Variants in PSG3 observed in about 807,000 individuals in gnomAD.
The protein encoded by PSG3 is pregnancy-specific beta-1-glycoprotein 3.
In PSG3, 61 loss-of-function variants were observed where a neutral mutation model predicts 47.5. The ratio of observed to expected loss-of-function variants is 1.28; its 90% CI spans 1.05 to 1.59. PSG3 has a LOEUF of 1.59. Among genes scored for constraint, PSG3 ranks in the 40% most tolerant of loss-of-function variants. The pLI, the probability that PSG3 is intolerant of heterozygous loss-of-function variation, is 0.00. For synonymous variants in PSG3, 263 were observed against 198.4 expected (o/e 1.33, Z -2.74); for missense variants, 756 against 524.0 (o/e 1.44, Z -4.32).
At chr19:42,728,962 A>G in intron 5 of PSG3, 161 bp downstream of exon 5, 3 of 1,546,046 alleles carry the variant, frequency 1.9e-6, no homozygotes, top group Non-Finnish European at 2.6e-6. Context: ...AGGAGAAGAG[A>G]GTCTGTAGAG....
chr19:42,728,761 A>G (rs900010662), intron 5 of PSG3, among the ~76,000 whole-genome samples: 3 of 152,240 alleles, frequency 2.0e-5, no homozygotes, highest in African/African-American at 7.2e-5. Context: ...CTCATAGAAT[A>G]GGTACAAGAA....
rs752869616 is a variant in PSG3, at chr19:42,729,857, A to G, written c.909T>C (p.Asn303=). The change falls in exon 4 of 7, where the codon AAT becomes AAC. Residue 303 remains asparagine (N), a synonymous_variant. Transcript: ENST00000327495. ...TTTCACATTGATAGGGTCCTGTTTCATTTCTCGTGACACTGGGTAGAATGA... is the reference window on the plus strand; with the variant it reads ...TTTCACATTGATAGGGTCCTGTTTCGTTTCTCGTGACACTGGGTAGAATGA... ...RILILPSVTR[N]ETGPYQCEIQ... 1.3e-5 allele frequency: 21 copies of G among 1,612,916 alleles called. No homozygotes were observed. The African/African-American group carries it at 2.0e-4, about 15-fold the overall frequency.
At chr19:42,730,945 T>C (rs1969463338) in intron 3 of PSG3, among the ~76,000 whole-genome samples, 1 of 152,224 alleles carries the variant, frequency 6.6e-6, no homozygotes, top group African/African-American at 2.4e-5. Flanking sequence ...CCATATGTGT[T>C]TGATGGATAT....
At chr19:42,739,877 C>G (rs1284033737) in intron 1 of PSG3, among the ~76,000 whole-genome samples, 1 of 152,176 alleles carries the variant, frequency 6.6e-6, no homozygotes, top group Non-Finnish European at 1.5e-5. Flanking sequence ...CCTGTTTTGA[C>G]CCCTGTCCCT....
At chr19:42,736,362 C>A (rs544876537) in intron 2 of PSG3, among the ~76,000 whole-genome samples, 1 of 152,266 alleles carries the variant, frequency 6.6e-6, no homozygotes, top group East Asian at 1.9e-4. Context: ...AATGGCTCAG[C>A]CCGTCATGTG....
At position 42,730,230 on chromosome 19, in the gene PSG3, G is replaced by A. The variant is rs554748116; in HGVS notation, c.710-174C>T. On this transcript the variant is annotated intron_variant, in intron 3 of 6. Coordinates refer to ENST00000327495, the MANE Select transcript of PSG3 (RefSeq NM_021016.4). The stretch of plus-strand genomic sequence containing the variant: ...ATGATGATCTAAGGGCTCAAAGACT[G>A]TGAGGCCAGCTGCTCTGTCTTAGGG... 3.5e-3 allele frequency among the ~76,000 whole-genome samples: 534 copies of A among 152,318 alleles called. 2 individuals carry two copies. Among genetic ancestry groups the A allele is most frequent in the Middle Eastern group, 0.02 (6 of 294 alleles).
chr19:42,740,479 TCTGCG>T (rs1180140100), exon 1 of PSG3: 1 of 1,607,484 alleles, frequency 6.2e-7, no homozygotes, highest in Non-Finnish European at 8.5e-7. Flanking sequence ...CCTTCCTCCT[TCTGCG>T]CTGAGCCTCT....
Position 42,734,369 on chromosome 19 carries a change from A to T in PSG3, c.431-1307T>A, listed in dbSNP as rs574260759. Among the ~76,000 whole-genome samples, 8 of 152,324 alleles carry T rather than the reference A, an allele frequency of 5.3e-5. No homozygotes were observed. In the South Asian group the frequency reaches 1.7e-3, roughly 32 times the overall value. ...AGTGAGCACTTCTTTTTAGCATCAC[A>T]TCAGTGGTCAGAAGGGTTGAGTTTT... On this transcript the variant is annotated intron_variant, in intron 2 of 6. Transcript: ENST00000327495.
At chr19:42,722,828 C>T (rs571770129) in intron 6 of PSG3, among the ~76,000 whole-genome samples, 148 of 152,094 alleles carry the variant, frequency 9.7e-4, no homozygotes, top group Non-Finnish European at 1.8e-3. Flanking sequence ...TTAAGTTCTA[C>T]CTATTACAAC....
intron 2 of PSG3, chr19:42,733,531 C>T (rs578112054): frequency 1.2e-5 from 2 of 173,256 alleles, no homozygotes; most frequent in African/African-American, 4.7e-5. Context: ...GTCTTTAAAC[C>T]CTTTGGATAC....
chr19:42,739,378 A>C, intron 1 of PSG3: 1 of 414,856 alleles, frequency 2.4e-6, no homozygotes, highest in Non-Finnish European at 4.3e-6. Flanking sequence ...CCCCCTCCAC[A>C]CTGCCCTCAG....
intron 2 of PSG3, among the ~76,000 whole-genome samples, chr19:42,738,038 T>C (rs550130816): frequency 2.0e-4 from 31 of 152,350 alleles, no homozygotes; most frequent in African/African-American, 7.2e-4. Flanking sequence ...CTGTTTCTGC[T>C]TCTGGGGACA....
intron 3 of PSG3, chr19:42,732,440 G>T (rs2353149): frequency 1.1e-5 from 5 of 465,570 alleles, no homozygotes; most frequent in South Asian, 5.2e-5. Context: ...GGAAAATCCT[G>T]GTCTGTGGAA....
intron 2 of PSG3, chr19:42,733,706 G>A (rs1215025436): frequency 6.4e-6 from 1 of 155,652 alleles, no homozygotes; most frequent in Non-Finnish European, 1.4e-5. Flanking sequence ...TCTAAAGATA[G>A]AGCAGAGTCC....
At position 42,732,897 on chromosome 19, in the gene PSG3, T is replaced by A; in HGVS notation, c.596A>T (p.Lys199Ile). The change falls in exon 3 of 7, where the codon AAA (lysine) becomes ATA (isoleucine). Residue 199 changes from lysine (K) to isoleucine (I), a missense_variant. Transcript: ENST00000327495. The part of the protein sequence containing the change: ...MTHSLQLSKN[K>I]RTLFLFGVTK... ...GACACCAAATAGAAAGAGGGTCCTT[T>A]TGTTTTTGGACAACTGCAAGCTGTG... 6.2e-7 allele frequency: 1 copy of A among 1,614,120 alleles called. No homozygotes were observed. The highest frequency in any genetic ancestry group is 1.1e-5 in the South Asian group (1 of 91,070).
intron 3 of PSG3, among the ~76,000 whole-genome samples, chr19:42,730,496 G>C (rs774978973): frequency 2.3e-4 from 35 of 152,186 alleles, no homozygotes; most frequent in Non-Finnish European, 4.3e-4. Flanking sequence ...TTCTAGAGAT[G>C]AGTAATAATG....
At chr19:42,733,280 C>T in intron 2 of PSG3, 8 of 1,060,560 alleles carry the variant, frequency 7.5e-6, no homozygotes, top group South Asian at 1.7e-5. Context: ...ACTTTCTTAA[C>T]TGTGAATTGA....
intron 2 of PSG3, among the ~76,000 whole-genome samples, 183 bp downstream of exon 2, chr19:42,738,541 G>A (rs916167195): frequency 4.6e-5 from 7 of 152,188 alleles, no homozygotes; most frequent in Non-Finnish European, 7.3e-5. Flanking sequence ...GTCTGGATGC[G>A]GGAAAGGAAT....
chr19:42,737,732 C>G (rs1321042704), intron 2 of PSG3, among the ~76,000 whole-genome samples: 2 of 152,066 alleles, frequency 1.3e-5, no homozygotes, highest in Admixed American at 6.5e-5. Context: ...GCCTTTGGCT[C>G]CAGACACACC....
Sources: allele counts gnomAD v4.1 joint callset (sites outside exome capture counted in the v4.1 genomes callset), GRCh38; gene constraint gnomAD v4.1.1; transcripts MANE v1.5; gene names NCBI Gene and HGNC (gene_info 2026-07-23, HGNC 2026-07-21).